The following MED25 variants were observed in gnomAD, a reference collection of about 807,000 sequenced individuals.
MED25 encodes mediator complex subunit 25, also known as mediator of RNA polymerase II transcription subunit 25.
In MED25, 62 loss-of-function variants were observed where a neutral mutation model predicts 89.4. The observed-to-expected ratio is 0.69, with a 90% CI of 0.57 to 0.86. MED25 has a LOEUF of 0.86. Among genes scored for constraint, MED25 ranks in the 40% least tolerant of loss-of-function variants. The pLI, the probability that MED25 is intolerant of heterozygous loss-of-function variation, is 0.00. For missense variants in MED25, 905 were observed against 1,005.2 expected, an observed-to-expected ratio of 0.90 and a Z score of 1.35; for synonymous variants, 449 against 427.9, an observed-to-expected ratio of 1.05 and a Z score of -0.61.
rs761005224 is a variant in MED25, at chr19:49,829,944, G to T, written c.684G>T (p.Leu228=). 6.2e-7 allele frequency: 1 copy of T among 1,610,950 alleles called. No homozygotes were observed. Among genetic ancestry groups the T allele is most frequent in the Non-Finnish European group, 8.5e-7 (1 of 1,178,206 alleles). The change falls in exon 6 of 18, where the codon CTG becomes CTT. Residue 228 remains leucine (L), a synonymous_variant. Coordinates refer to ENST00000312865, the MANE Select transcript of MED25 (RefSeq NM_030973.4). The surrounding 1 kb of genome is among the most constrained non-coding windows in gnomAD (Gnocchi z 4.6). ...TGGTGCTGGTTCGGGGACTCGTGCT[G>T]CCTGGTGAGGCCTGGGCACCGTGCG... is the stretch of plus-strand genomic sequence containing the variant. The part of the protein sequence containing the change: ...RHMVLVRGLV[L]PVGGGSAPGP...
Position 49,834,781 on chromosome 19 carries a change from G to A in MED25, c.1483-205G>A, listed in dbSNP as rs1177054781. On this transcript the variant is annotated intron_variant, in intron 13 of 17. Coordinates refer to ENST00000312865, the MANE Select transcript of MED25 (RefSeq NM_030973.4). The surrounding 1 kb of genome is among the most constrained non-coding windows in gnomAD (Gnocchi z 4.1). ...CTTTCTCTCCGCTTTCCCTCTCAGT[G>A]GGCAGCTGGAACCCTAGCTTGCCCT... The A allele has an allele frequency of 1.7e-6, 1 of 601,770 alleles. No individual in the cohort carries two copies. The highest frequency in any genetic ancestry group is 3.0e-6 in the Non-Finnish European group (1 of 338,048). The allele number at this position is 601,770 out of a possible 1,614,324, so 37.3% of individuals were successfully genotyped here.
Position 49,835,969 on chromosome 19 carries a change from G to A in MED25, c.1965+24G>A, listed in dbSNP as rs199504834. ...CGGTGAGATGTTGGGGTGGGGTAGC[G>A]AGAGTTCCAGATCCTGGCCCTGGTG... On this transcript the variant is annotated intron_variant, in intron 16 of 17. Coordinates refer to ENST00000312865, the MANE Select transcript of MED25 (RefSeq NM_030973.4). This position sits in a 1 kb window ranked among gnomAD's most constrained non-coding sequence, Gnocchi z 6.2. The A allele has an allele frequency of 1.2e-4, 190 of 1,611,894 alleles. No homozygotes were observed. The African/African-American group carries it at 2.1e-3, about 18-fold the overall frequency.
At position 49,831,329 on chromosome 19, in the gene MED25, G is replaced by A. The variant is rs2074055837; in HGVS notation, c.1102-4G>A. Reference sequence around the variant, plus strand: ...TCATGGCCCTCCTTCCTCCCCTCTGGCAGGCAGGCACTGTGGCCCCAGGAG... The same window carrying A: ...TCATGGCCCTCCTTCCTCCCCTCTGACAGGCAGGCACTGTGGCCCCAGGAG... On this transcript the variant is annotated splice_region_variant and splice_polypyrimidine_tract_variant and intron_variant, in intron 9 of 17. Coordinates refer to ENST00000312865, the MANE Select transcript of MED25 (RefSeq NM_030973.4). This position sits in a 1 kb window ranked among gnomAD's most constrained non-coding sequence, Gnocchi z 5.0. 6.2e-7 allele frequency: 1 copy of A among 1,610,046 alleles called. No homozygotes were observed. The highest frequency in any genetic ancestry group is 1.3e-5 in the African/African-American group (1 of 74,968).
At position 49,820,169 on chromosome 19, in the gene MED25, C is replaced by G. The variant is rs181661762; in HGVS notation, c.305+873C>G. On this transcript the variant is annotated intron_variant, in intron 3 of 17. Transcript: ENST00000312865. ...ACAGGAGAGAGCCCTCGGGTTAAAG[C>G]AGGAGAATCTTTCATTGAGTGCACT... Among the ~76,000 whole-genome samples, 345 of 152,212 alleles carry G rather than the reference C, an allele frequency of 2.3e-3. 7 individuals carry two copies. The highest frequency in any genetic ancestry group is 6.2e-4 in the Non-Finnish European group (42 of 68,022).
chr19:49,828,546 A>T lies in MED25; in HGVS notation c.403A>T (p.Ile135Phe), dbSNP rs747804835. 1 of 1,611,816 alleles carries T rather than the reference A, an allele frequency of 6.2e-7. No homozygotes were observed. Reference protein sequence around the residue: ...FDDFKKMREQIGQTHRVCLLI... With the variant: ...FDDFKKMREQFGQTHRVCLLI... ...TGACTTCAAGAAGATGCGCGAGCAGATGTGAGTGCCCCCTCCACCCAGGCC... is the reference window on the plus strand; with the variant it reads ...TGACTTCAAGAAGATGCGCGAGCAGTTGTGAGTGCCCCCTCCACCCAGGCC... Residue 135 changes from isoleucine (I) to phenylalanine (F), a missense_variant and splice_region_variant, in exon 4 of 18, where the codon ATT becomes TTT. Physicochemically the swap from Ile to Phe is conservative, Grantham distance 21. Transcript: ENST00000312865.
rs746109574 is a variant in MED25 at position 49,835,945 on chromosome 19, G to A, written c.1965G>A (p.Pro655=). 11 of 1,612,726 alleles carry A rather than the reference G, an allele frequency of 6.8e-6. No individual in the cohort carries two copies. In the Middle Eastern group the frequency reaches 4.9e-4, roughly 72 times the overall value. ...GAAGCCTCCTCCTCAACCCACCACC[G>A]GTGAGATGTTGGGGTGGGGTAGCGA... ...QLRSLLLNPP[P]PQTGVPPPQA... is the part of the protein sequence containing the mutation. The change falls in exon 16 of 18, where the codon CCG becomes CCA. Residue 655 remains proline (P), a splice_region_variant and synonymous_variant. Transcript: ENST00000312865. This position sits in a 1 kb window ranked among gnomAD's most constrained non-coding sequence, Gnocchi z 6.2.
At position 49,828,891 on chromosome 19, in the gene MED25, T is replaced by A. The variant is rs2074033260; in HGVS notation, c.405-79T>A. 3 of 1,596,928 alleles carry A rather than the reference T, an allele frequency of 1.9e-6. No individual in the cohort carries two copies. In the Admixed American group the frequency reaches 5.2e-5, roughly 28 times the overall value. ...TTCCATGTGAGGCGGAATATGTGCATCTCCGCTGGTGCTGGGTCTGGGTTC... is the reference window on the plus strand; with the variant it reads ...TTCCATGTGAGGCGGAATATGTGCAACTCCGCTGGTGCTGGGTCTGGGTTC... On this transcript the variant is annotated intron_variant, in intron 4 of 17. Coordinates refer to ENST00000312865, the MANE Select transcript of MED25 (RefSeq NM_030973.4).
Position 49,830,918 on chromosome 19 carries a change from C to T in MED25, c.1101+31C>T, listed in dbSNP as rs2074052085. ...TGCCTGCACGCCTCCTGCCCCTGCTCCTTCCTCCTGCTGTCCACAGCTAGG... is the reference window on the plus strand; with the variant it reads ...TGCCTGCACGCCTCCTGCCCCTGCTTCTTCCTCCTGCTGTCCACAGCTAGG... On this transcript the variant is annotated intron_variant, in intron 9 of 17. Transcript: ENST00000312865. The surrounding 1 kb of genome is among the most constrained non-coding windows in gnomAD (Gnocchi z 4.6). 7 of 1,595,876 alleles carry T rather than the reference C, an allele frequency of 4.4e-6. No homozygotes were observed. Among genetic ancestry groups the T allele is most frequent in the South Asian group, 3.3e-5 (3 of 90,910 alleles).
Position 49,830,080 on chromosome 19 carries a change from G to C in MED25, c.689-8G>C. ...CTCTCTGGGGTTGGCCATCCCTCCT[G>C]CTCTCAGTTGGGGGTGGCTCAGCCC... is the stretch of plus-strand genomic sequence containing the variant. On this transcript the variant is annotated splice_polypyrimidine_tract_variant and splice_region_variant and intron_variant, in intron 6 of 17. Coordinates refer to ENST00000312865, the MANE Select transcript of MED25 (RefSeq NM_030973.4). The surrounding 1 kb of genome is among the most constrained non-coding windows in gnomAD (Gnocchi z 4.6). 1.2e-6 allele frequency: 2 copies of C among 1,605,270 alleles called. No homozygotes were observed. Among genetic ancestry groups the C allele is most frequent in the East Asian group, 2.2e-5 (1 of 44,706 alleles).
chr19:49,824,694 A>G (rs182320385), intron 3 of MED25, among the ~76,000 whole-genome samples: 11 of 152,316 alleles, frequency 7.2e-5, no homozygotes, highest in African/African-American at 2.2e-4. Flanking sequence ...TAATTCAACA[A>G]ATGTTTGTGG....
chr19:49,830,081 C>G lies in MED25; in HGVS notation c.689-7C>G, dbSNP rs1196203129. ...TCTCTGGGGTTGGCCATCCCTCCTG[C>G]TCTCAGTTGGGGGTGGCTCAGCCCC... On this transcript the variant is annotated splice_polypyrimidine_tract_variant and splice_region_variant and intron_variant, in intron 6 of 17. Transcript: ENST00000312865. The surrounding 1 kb of genome is among the most constrained non-coding windows in gnomAD (Gnocchi z 4.6). The G allele has an allele frequency of 1.9e-6, 3 of 1,605,458 alleles. No homozygotes were observed. Among genetic ancestry groups the G allele is most frequent in the Non-Finnish European group, 2.5e-6 (3 of 1,176,506 alleles).
At chr19:49,824,905 G>C (rs1600318962) in intron 3 of MED25, among the ~76,000 whole-genome samples, 1 of 152,152 alleles carries the variant, frequency 6.6e-6, no homozygotes, top group Non-Finnish European at 1.5e-5. Flanking sequence ...AGAGACCCCG[G>C]GGAATGATAC....
chr19:49,837,109 G>C, downstream of MED25: 1 of 692,276 alleles, frequency 1.4e-6, no homozygotes. Context: ...GGCCTCCGTG[G>C]TGAGTCACAG....
intron 3 of MED25, among the ~76,000 whole-genome samples, chr19:49,827,365 G>C (rs2074022628): frequency 6.6e-6 from 1 of 152,194 alleles, no homozygotes; most frequent in South Asian, 2.1e-4. Flanking sequence ...AAACTGGCCA[G>C]AAGAATGGAA....
intron 3 of MED25, among the ~76,000 whole-genome samples, chr19:49,825,400 C>T (rs1022812754): frequency 1.3e-5 from 2 of 152,054 alleles, no homozygotes; most frequent in South Asian, 2.1e-4. Context: ...ACGTACCCAC[C>T]ACCATGTCTG....
rs193140110 is a variant in MED25 at position 49,819,523 on chromosome 19, C to T, written c.305+227C>T. The T allele has an allele frequency of 1.2e-3, 662 of 551,302 alleles. 8 individuals carry two copies. Among genetic ancestry groups the T allele is most frequent in the Middle Eastern group, 3.9e-3 (8 of 2,026 alleles). The allele number at this position is 551,302 out of a possible 1,614,324, so 34.2% of individuals were successfully genotyped here. A position where few individuals can be genotyped will look rare whatever the true frequency, so the allele number is the denominator to read the frequency against. On this transcript the variant is annotated intron_variant, in intron 3 of 17. Transcript: ENST00000312865. ...CTTGGGTTTGAGCTGCAGGAAACAT[C>T]TCATACATTAAGGGATTGAAAGGAC...
At position 49,830,669 on chromosome 19, in the gene MED25, C is replaced by T. The variant is rs748315736; in HGVS notation, c.908-25C>T. 2 of 1,613,580 alleles carry T rather than the reference C, an allele frequency of 1.2e-6. No homozygotes were observed. Among genetic ancestry groups the T allele is most frequent in the Non-Finnish European group, 1.7e-6 (2 of 1,179,456 alleles). On this transcript the variant is annotated intron_variant, in intron 8 of 17. Coordinates refer to ENST00000312865, the MANE Select transcript of MED25 (RefSeq NM_030973.4). This position sits in a 1 kb window ranked among gnomAD's most constrained non-coding sequence, Gnocchi z 4.6. ...CCTCTCTCCACACACTTGTTCCCCA[C>T]TTCTTCCCTTGGTCTCTCCCACAGT...
Position 49,835,542 on chromosome 19 carries a change from A to G in MED25, c.1683A>G (p.Gly561=). 6.4e-7 allele frequency: 1 copy of G among 1,559,750 alleles called. No individual in the cohort carries two copies. Among genetic ancestry groups the G allele is most frequent in the East Asian group, 2.4e-5 (1 of 41,950 alleles). The change falls in exon 15 of 18, where the codon GGA becomes GGG. Residue 561 remains glycine (G), a synonymous_variant. Coordinates refer to ENST00000312865, the MANE Select transcript of MED25 (RefSeq NM_030973.4). The surrounding 1 kb of genome is among the most constrained non-coding windows in gnomAD (Gnocchi z 6.2). ...KLEQQQRGMG[G]QQAPPGLGPI... is the part of the protein sequence containing the mutation. ...CCTCTCTCCCCGTGCAGATGGGGGG[A>G]CAGCAGGCACCCCCAGGGCTGGGGC...
chr19:49,825,380 C>G (rs1340582016), intron 3 of MED25, among the ~76,000 whole-genome samples: 1 of 152,070 alleles, frequency 6.6e-6, no homozygotes, highest in Non-Finnish European at 1.5e-5. Flanking sequence ...TCCCGAGTAG[C>G]TGGGATTACA....
Sources: allele counts gnomAD v4.1 joint callset (sites outside exome capture counted in the v4.1 genomes callset), GRCh38; gene constraint gnomAD v4.1.1; non-coding constraint Gnocchi (gnomAD v3.1); transcripts MANE v1.5; gene names NCBI Gene and HGNC (gene_info 2026-07-23, HGNC 2026-07-21).